Variants in ENTREP2 observed in about 807,000 individuals in gnomAD.
The protein encoded by ENTREP2 is protein ENTREP2.
chr15:29,575,450 CAT>C, the ENTREP2 span, among the ~76,000 whole-genome samples: 1 of 152,176 alleles, frequency 6.6e-6, no homozygotes, highest in Non-Finnish European at 1.5e-5. Flanking sequence ...AGGAATTTGA[CAT>C]GTGGTGAATG....
chr15:29,219,824 A>G, the ENTREP2 span, among the ~76,000 whole-genome samples: 2 of 151,306 alleles, frequency 1.3e-5, no homozygotes. Context: ...TGAGGATGCA[A>G]AGGTGTAAGA....
chr15:29,477,417 C>CA, the ENTREP2 span, among the ~76,000 whole-genome samples: 9 of 150,564 alleles, frequency 6.0e-5, no homozygotes, highest in Non-Finnish European at 7.4e-5. Context: ...ACAAAAAGTG[C>CA]AAAAAAAAAT....
chr15:29,398,848 C>T, the ENTREP2 span, among the ~76,000 whole-genome samples: 86 of 152,304 alleles, frequency 5.6e-4, no homozygotes, highest in Non-Finnish European at 9.4e-4. Context: ...TCCCTTGGGC[C>T]GTGGGTGGGA....
At chr15:29,662,020 G>C in the ENTREP2 span, among the ~76,000 whole-genome samples, 2 of 151,946 alleles carry the variant, frequency 1.3e-5, no homozygotes, top group East Asian at 3.9e-4. Context: ...AGACTAGCCT[G>C]GGCAACATGG....
chr15:29,254,633 T>A, the ENTREP2 span, among the ~76,000 whole-genome samples: 1 of 151,898 alleles, frequency 6.6e-6, no homozygotes, highest in Admixed American at 6.6e-5. Flanking sequence ...CCAAGGTGGG[T>A]GGATCATGAG....
At chr15:29,150,903 G>T in the ENTREP2 span, among the ~76,000 whole-genome samples, 2 of 152,124 alleles carry the variant, frequency 1.3e-5, no homozygotes, top group Non-Finnish European at 2.9e-5. Context: ...GAGAGACAGA[G>T]AGACAGAAAG....
chr15:29,531,524 G>A, the ENTREP2 span, among the ~76,000 whole-genome samples: 30 of 152,186 alleles, frequency 2.0e-4, no homozygotes, highest in African/African-American at 6.7e-4. Context: ...CCATGGGGAC[G>A]GAAGGCAAAA....
the ENTREP2 span, chr15:29,117,878 C>G: frequency 6.6e-6 from 1 of 150,792 alleles, no homozygotes; most frequent in Non-Finnish European, 1.5e-5. Flanking sequence ...GGGCAGGGCT[C>G]CCACAGAGAC....
At chr15:29,302,807 T>TA in the ENTREP2 span, among the ~76,000 whole-genome samples, 1 of 152,350 alleles carries the variant, frequency 6.6e-6, no homozygotes, top group East Asian at 1.9e-4. Flanking sequence ...TCGCTTTTTT[T>TA]ATGTTTATTT....
the ENTREP2 span, among the ~76,000 whole-genome samples, chr15:29,519,021 A>T: frequency 6.6e-6 from 1 of 152,244 alleles, no homozygotes; most frequent in South Asian, 2.1e-4. Flanking sequence ...ACTGCCTGAA[A>T]TGCTCCCCAA....
chr15:29,499,731 T>C, the ENTREP2 span, among the ~76,000 whole-genome samples: 8 of 152,150 alleles, frequency 5.3e-5, no homozygotes, highest in Non-Finnish European at 1.0e-4. Context: ...GATAGTGAAG[T>C]GTAAGTAAAT....
At chr15:29,478,087 T>C in the ENTREP2 span, among the ~76,000 whole-genome samples, 1 of 138,368 alleles carries the variant, frequency 7.2e-6, no homozygotes, top group Non-Finnish European at 1.5e-5. Flanking sequence ...TGCAGTGGCG[T>C]GATCTCAGCT....
the ENTREP2 span, among the ~76,000 whole-genome samples, chr15:29,179,223 C>A: frequency 6.6e-6 from 1 of 152,352 alleles, no homozygotes; most frequent in South Asian, 2.1e-4. Context: ...AATATTCTTG[C>A]TGGTTTGGAA....
At chr15:29,438,294 C>T in the ENTREP2 span, among the ~76,000 whole-genome samples, 73,378 of 152,030 alleles carry the variant, frequency 0.48, 18,592 homozygotes, top group African/African-American at 0.64. Context: ...CAGATGCAGC[C>T]TCCCCAGTGT....
the ENTREP2 span, chr15:29,375,727 A>G: frequency 6.6e-6 from 1 of 152,260 alleles, no homozygotes; most frequent in Non-Finnish European, 1.5e-5. Context: ...AATGCAATGA[A>G]GATGATGAGA....
the ENTREP2 span, among the ~76,000 whole-genome samples, chr15:29,185,410 C>G: frequency 6.6e-6 from 1 of 152,146 alleles, no homozygotes; most frequent in African/African-American, 2.4e-5. Context: ...TGAAAACTTC[C>G]AACAGCTTCA....
chr15:29,198,966 A>C, the ENTREP2 span, among the ~76,000 whole-genome samples: 2 of 152,258 alleles, frequency 1.3e-5, no homozygotes, highest in African/African-American at 4.8e-5. Flanking sequence ...CATTGTGTGA[A>C]TATGCTGCCA....
At chr15:29,587,242 C>A in the ENTREP2 span, among the ~76,000 whole-genome samples, 1 of 150,394 alleles carries the variant, frequency 6.6e-6, no homozygotes, top group East Asian at 2.0e-4. Context: ...AACCCAGTAG[C>A]AATGAACATC....
At chr15:29,509,724 C>G in the ENTREP2 span, among the ~76,000 whole-genome samples, 2 of 152,276 alleles carry the variant, frequency 1.3e-5, no homozygotes, top group African/African-American at 4.8e-5. Context: ...AACTGGACCC[C>G]TTCCTTACAT....
Sources: allele counts gnomAD v4.1 joint callset (sites outside exome capture counted in the v4.1 genomes callset), GRCh38; gene constraint gnomAD v4.1.1; transcripts MANE v1.5; gene names NCBI Gene and HGNC (gene_info 2026-07-23, HGNC 2026-07-21).